Variants in KCTD8 observed in about 807,000 individuals in gnomAD.
KCTD8 encodes potassium channel tetramerization domain containing 8.
KCTD8 carries 27 observed loss-of-function variants against 31.5 expected under a neutral mutation model. The observed-to-expected ratio is 0.86, with a 90% CI of 0.63 to 1.18. The LOEUF is 1.18. Ranked by LOEUF, KCTD8 falls within the 50% of genes most tolerant of loss-of-function variation. The pLI is 0.00. For missense variants in KCTD8, 658 were observed against 647.7 expected (o/e 1.02, Z -0.17); for synonymous variants, 290 against 280.0 (o/e 1.04, Z -0.36).
intron 1 of KCTD8, among the ~76,000 whole-genome samples, chr4:44,280,371 G>GT (rs1402118457): frequency 1.3e-5 from 2 of 152,074 alleles, no homozygotes; most frequent in Non-Finnish European, 2.9e-5. Flanking sequence ...AAGTTTTAGA[G>GT]TAATTGGTAT....
chr4:44,434,345 G>A (rs746531919), intron 1 of KCTD8, among the ~76,000 whole-genome samples: 7 of 151,856 alleles, frequency 4.6e-5, no homozygotes, highest in East Asian at 3.9e-4. Flanking sequence ...CTTTCTATGC[G>A]TCATATCATT....
intron 1 of KCTD8, among the ~76,000 whole-genome samples, chr4:44,205,511 A>G (rs893181046): frequency 2.6e-5 from 4 of 152,186 alleles, no homozygotes; most frequent in African/African-American, 7.2e-5. Context: ...TAAAACTATT[A>G]ATGTACTGGA....
intron 1 of KCTD8, among the ~76,000 whole-genome samples, chr4:44,296,966 G>T (rs769787096): frequency 6.6e-6 from 1 of 151,904 alleles, no homozygotes; most frequent in Non-Finnish European, 1.5e-5. Flanking sequence ...ACATCAGTAA[G>T]ATATATTATA....
At chr4:44,203,479 G>C (rs1714210273) in intron 1 of KCTD8, among the ~76,000 whole-genome samples, 1 of 129,844 alleles carries the variant, frequency 7.7e-6, no homozygotes, top group African/African-American at 2.9e-5. Context: ...TGGGCAACAA[G>C]AGCGAGACTC....
intron 1 of KCTD8, among the ~76,000 whole-genome samples, chr4:44,191,736 T>A (rs1039692955): frequency 6.6e-6 from 1 of 152,188 alleles, no homozygotes; most frequent in Non-Finnish European, 1.5e-5. Context: ...TCTTGAACCC[T>A]GTTTTCTGTT....
intron 1 of KCTD8, among the ~76,000 whole-genome samples, chr4:44,259,285 G>A (rs929538303): frequency 6.6e-6 from 1 of 151,450 alleles, no homozygotes; most frequent in African/African-American, 2.4e-5. Context: ...ATTAATACAT[G>A]TTTCTTTCCT....
chr4:44,274,018 G>A (rs1203526665), intron 1 of KCTD8, among the ~76,000 whole-genome samples: 1 of 151,756 alleles, frequency 6.6e-6, no homozygotes, highest in African/African-American at 2.4e-5. Context: ...GTCCTGTTAA[G>A]TTTACTTTTC....
At chr4:44,241,238 T>C (rs565113564) in intron 1 of KCTD8, among the ~76,000 whole-genome samples, 214 of 152,344 alleles carry the variant, frequency 1.4e-3, no homozygotes, top group Non-Finnish European at 2.5e-3. Context: ...CTGGTACACT[T>C]CATAAAAATT....
intron 1 of KCTD8, among the ~76,000 whole-genome samples, chr4:44,278,543 T>C (rs1716813825): frequency 6.6e-6 from 1 of 152,022 alleles, no homozygotes; most frequent in African/African-American, 2.4e-5. Flanking sequence ...GATGAAATAG[T>C]TTAGAAACTG....
At chr4:44,286,664 T>A (rs1717083484) in intron 1 of KCTD8, among the ~76,000 whole-genome samples, 1 of 152,148 alleles carries the variant, frequency 6.6e-6, no homozygotes, top group South Asian at 2.1e-4. Flanking sequence ...GGTAAGAAGC[T>A]TGATTTTATG....
chr4:44,381,933 AG>A (rs568142598), intron 1 of KCTD8, among the ~76,000 whole-genome samples: 23 of 152,050 alleles, frequency 1.5e-4, no homozygotes, highest in Admixed American at 1.4e-3. Flanking sequence ...ACCTTGATCC[AG>A]GTATTTCTTT....
chr4:44,368,323 T>C (rs568937679), intron 1 of KCTD8, among the ~76,000 whole-genome samples: 9 of 152,192 alleles, frequency 5.9e-5, no homozygotes, highest in African/African-American at 2.2e-4. Flanking sequence ...AAGTGGAGGT[T>C]GCAGTGAGCC....
chr4:44,240,865 G>C (rs1715438437), intron 1 of KCTD8, among the ~76,000 whole-genome samples: 1 of 152,220 alleles, frequency 6.6e-6, no homozygotes, highest in Non-Finnish European at 1.5e-5. Context: ...TTGTGCAACT[G>C]TATAAAATAA....
chr4:44,350,475 G>C (rs1003662808), intron 1 of KCTD8, among the ~76,000 whole-genome samples: 3 of 152,138 alleles, frequency 2.0e-5, no homozygotes, highest in Non-Finnish European at 2.9e-5. Context: ...GTCAAAGTCA[G>C]TGTATATATT....
intron 1 of KCTD8, among the ~76,000 whole-genome samples, chr4:44,381,354 C>G (rs115559698): frequency 0.012 from 1,763 of 151,952 alleles, 15 homozygotes; most frequent in Middle Eastern, 0.021. Flanking sequence ...TACATACAAA[C>G]AATAAATTTC....
At chr4:44,352,737 G>A (rs1468916532) in intron 1 of KCTD8, among the ~76,000 whole-genome samples, 1 of 151,694 alleles carries the variant, frequency 6.6e-6, no homozygotes, top group Non-Finnish European at 1.5e-5. Flanking sequence ...TCCTATCTAT[G>A]CTCAAGGTGG....
intron 1 of KCTD8, among the ~76,000 whole-genome samples, chr4:44,365,820 A>G (rs1160988171): frequency 1.3e-5 from 2 of 152,196 alleles, no homozygotes; most frequent in Non-Finnish European, 2.9e-5. Flanking sequence ...ATGTACAAGA[A>G]GATACATTCA....
At position 44,340,048 on chromosome 4, in the gene KCTD8, C is replaced by T. The variant is rs568981321; in HGVS notation, c.961+107515G>A. Among the ~76,000 whole-genome samples, 6 of 152,018 alleles carry T rather than the reference C, an allele frequency of 3.9e-5. No individual in the cohort carries two copies. The East Asian group carries it at 7.7e-4, about 20-fold the overall frequency. ...AAAAGTGTTCAATGTCATTAGTCACCAGGGAAATACAAAAAAAGACTCTCA... is the reference window on the plus strand; with the variant it reads ...AAAAGTGTTCAATGTCATTAGTCACTAGGGAAATACAAAAAAAGACTCTCA... On this transcript the variant is annotated intron_variant, in intron 1 of 1. Transcript: ENST00000360029.
rs112879703 is a variant in KCTD8, at chr4:44,267,795, A to T, written c.962-92545T>A. On this transcript the variant is annotated intron_variant, in intron 1 of 1. Coordinates refer to ENST00000360029, the MANE Select transcript of KCTD8 (RefSeq NM_198353.3). ...ACGCAAATAAACTAGAAAATCTAGA[A>T]GAAATGGTAAATCCCTCGACACATA... 2.5e-3 allele frequency among the ~76,000 whole-genome samples: 378 copies of T among 152,372 alleles called. 1 individual carries two copies. Among genetic ancestry groups the T allele is most frequent in the African/African-American group, 8.3e-3 (347 of 41,588 alleles).
Sources: gnomAD v4.1 joint callset for allele counts (sites outside exome capture counted in the v4.1 genomes callset) on GRCh38, gnomAD v4.1.1 for gene constraint, MANE v1.5 for transcripts, NCBI Gene and HGNC (gene_info 2026-07-23, HGNC 2026-07-21) for gene names.